Variants in PM20D2 observed in about 807,000 individuals in gnomAD.
PM20D2 encodes peptidase M20 domain containing 2.
PM20D2 carries 33 observed loss-of-function variants against 42.9 expected under a neutral mutation model. That is an observed-to-expected ratio of 0.77 (90% CI 0.58 to 1.03). The LOEUF is 1.03. Ranked by LOEUF, PM20D2 falls within the 50% of genes least tolerant of loss-of-function variation. The pLI is 0.00. For synonymous variants in PM20D2, 250 were observed against 228.2 expected (o/e 1.10, Z -0.86); for missense variants, 548 against 557.0 (o/e 0.98, Z 0.16).
At chr6:89,129,723 A>C in the PM20D2 span, among the ~76,000 whole-genome samples, 1 of 150,514 alleles carries the variant, frequency 6.6e-6, no homozygotes, top group African/African-American at 2.4e-5. Flanking sequence ...CCTCCTGAGT[A>C]GCTGGGACTA....
At chr6:89,111,886 A>G in the PM20D2 span, among the ~76,000 whole-genome samples, 1 of 152,158 alleles carries the variant, frequency 6.6e-6, no homozygotes, top group Non-Finnish European at 1.5e-5. Context: ...CCTAGACTGG[A>G]GTTCCATTAA....
At chr6:89,110,278 A>T in the PM20D2 span, among the ~76,000 whole-genome samples, 1 of 152,248 alleles carries the variant, frequency 6.6e-6, no homozygotes, top group Non-Finnish European at 1.5e-5. Flanking sequence ...ATGAAAGCAC[A>T]GATTTATTGA....
At chr6:89,161,649 G>A (rs1771240849) in intron 5 of PM20D2, 134 bp from the exon 6 acceptor site, 2 of 675,722 alleles carry the variant, frequency 3.0e-6, no homozygotes, top group Admixed American at 4.7e-5. Context: ...GCCCATGAAA[G>A]CATGAGCATA....
the PM20D2 span, among the ~76,000 whole-genome samples, chr6:89,124,733 G>GTTGTTTT: frequency 3.8e-5 from 3 of 79,554 alleles, no homozygotes; most frequent in Admixed American, 2.6e-4. Flanking sequence ...TGTTGCTGTT[G>GTTGTTTT]TTGTTTTTTT....
intron 5 of PM20D2, 36 bp from the exon 6 acceptor site, chr6:89,161,747 C>T (rs1448421909): frequency 4.7e-6 from 7 of 1,489,444 alleles, no homozygotes; most frequent in Non-Finnish European, 6.6e-6. Flanking sequence ...ACCACATATA[C>T]TTAAATAGAC....
the PM20D2 span, among the ~76,000 whole-genome samples, chr6:89,137,892 T>C: frequency 8.5e-5 from 13 of 152,260 alleles, 1 homozygote; most frequent in South Asian, 2.7e-3. Context: ...ATGGTAAATA[T>C]AAACCATTGG....
chr6:89,155,786 G>A (rs1284045395), intron 4 of PM20D2, among the ~76,000 whole-genome samples: 1 of 152,010 alleles, frequency 6.6e-6, no homozygotes, highest in East Asian at 1.9e-4. Context: ...TTGGCTCAAC[G>A]CAACCTCCTC....
chr6:89,107,230 G>A, the PM20D2 span: 2 of 1,613,922 alleles, frequency 1.2e-6, no homozygotes, highest in South Asian at 1.1e-5. Context: ...GGGCCATATC[G>A]ACCAAACTCA....
At chr6:89,157,702 T>G (rs1448590464) in intron 4 of PM20D2, among the ~76,000 whole-genome samples, 1 of 152,062 alleles carries the variant, frequency 6.6e-6, no homozygotes, top group Non-Finnish European at 1.5e-5. Flanking sequence ...TACTTTGAGG[T>G]GCTGGTTAAA....
upstream of PM20D2, among the ~76,000 whole-genome samples, chr6:89,141,408 C>T (rs139142848): frequency 0.023 from 3,519 of 152,224 alleles, 137 homozygotes; most frequent in African/African-American, 0.081. Context: ...CTCTGTCACC[C>T]AGGCTGGAGT....
At chr6:89,100,755 A>C in the PM20D2 span, among the ~76,000 whole-genome samples, 4 of 152,244 alleles carry the variant, frequency 2.6e-5, no homozygotes, top group Admixed American at 2.6e-4. Flanking sequence ...AAAATATATG[A>C]TATCTGAAAT....
the PM20D2 span, among the ~76,000 whole-genome samples, chr6:89,104,001 T>C: frequency 1.5e-5 from 2 of 129,476 alleles, no homozygotes; most frequent in Non-Finnish European, 3.2e-5. Context: ...CTTTTTTTTT[T>C]TTTTTTTTTT....
the PM20D2 span, among the ~76,000 whole-genome samples, chr6:89,102,973 C>T: frequency 6.6e-6 from 1 of 152,132 alleles, no homozygotes; most frequent in Non-Finnish European, 1.5e-5. Flanking sequence ...CTATGTTGCC[C>T]AGGCTGGTCT....
At chr6:89,099,693 G>A in the PM20D2 span, among the ~76,000 whole-genome samples, 1 of 151,702 alleles carries the variant, frequency 6.6e-6, no homozygotes, top group African/African-American at 2.4e-5. Flanking sequence ...GCGCCACCAC[G>A]CCCAGCTAAC....
In PM20D2 at chr6:89,147,488, C is replaced by T. The variant is rs374542948; in HGVS notation, c.465+879C>T. On this transcript the variant is annotated intron_variant, in intron 1 of 6. Transcript: ENST00000275072. ...GCCTTCTTTTTTCTGTCTCTGGAGG[C>T]TCGTTTTTGCATTTGTTAGGTTTTT... Among the ~76,000 whole-genome samples, 8 of 152,092 alleles carry T rather than the reference C, an allele frequency of 5.3e-5. No individual in the cohort carries two copies. The South Asian group carries it at 6.2e-4, about 12-fold the overall frequency.
chr6:89,095,049 T>G, the PM20D2 span, among the ~76,000 whole-genome samples: 1 of 152,114 alleles, frequency 6.6e-6, no homozygotes, highest in Non-Finnish European at 1.5e-5. Context: ...CACACAGTAG[T>G]TTGGCATTTC....
At chr6:89,115,925 G>A in the PM20D2 span, among the ~76,000 whole-genome samples, 10 of 152,218 alleles carry the variant, frequency 6.6e-5, no homozygotes, top group Non-Finnish European at 1.5e-4. Context: ...ATGAGCCACC[G>A]CACCCGGCCA....
the PM20D2 span, among the ~76,000 whole-genome samples, chr6:89,116,942 T>C: frequency 5.3e-5 from 8 of 152,242 alleles, no homozygotes; most frequent in South Asian, 1.5e-3. Flanking sequence ...CTCTCCCTTA[T>C]GTACAATAAA....
At position 89,146,586 on chromosome 6, in the gene PM20D2, C is replaced by A; in HGVS notation, c.442C>A (p.Pro148Thr). Residue 148 changes from proline to threonine, a missense_variant, in exon 1 of 7, where the codon CCC (proline) becomes ACC (threonine). Coordinates refer to ENST00000275072, the MANE Select transcript of PM20D2 (RefSeq NM_001010853.3). ...LGVRGALEGL[P>T]RPPPPVKVVV... ...CGTGAGGGGGGCCTTAGAGGGCCTC[C>A]CCAGGCCGCCTCCGCCCGTGAAGGT... is the stretch of plus-strand genomic sequence containing the variant. 6.8e-7 allele frequency: 1 copy of A among 1,463,482 alleles called. No individual in the cohort carries two copies. The allele number at this position is 1,463,482 out of a possible 1,614,324, so 90.7% of individuals were successfully genotyped here.
Sources: allele counts gnomAD v4.1 joint callset (sites outside exome capture counted in the v4.1 genomes callset), GRCh38; gene constraint gnomAD v4.1.1; transcripts MANE v1.5; gene names NCBI Gene and HGNC (gene_info 2026-07-23, HGNC 2026-07-21).